PLCE1: variants seen among roughly 807,000 people sequenced by gnomAD.
PLCE1 encodes the protein 1-phosphatidylinositol 4,5-bisphosphate phosphodiesterase epsilon-1.
Under a neutral mutation model 242.8 loss-of-function variants are expected in PLCE1, and 119 were observed. That is an observed-to-expected ratio of 0.49 (90% CI 0.42 to 0.57). PLCE1 has a LOEUF of 0.57. PLCE1 is among the 20% of genes least tolerant of loss of function. The pLI, the probability that PLCE1 is intolerant of heterozygous loss-of-function variation, is 0.00. For synonymous variants in PLCE1, 945 were observed against 1,017.4 expected, an observed-to-expected ratio of 0.93 and a Z score of 1.35; for missense variants, 2,441 against 2,788.8, an observed-to-expected ratio of 0.88 and a Z score of 2.81.
At chr10:94,180,888 A>C (rs1206435116) in intron 4 of PLCE1, among the ~76,000 whole-genome samples, 1 of 152,216 alleles carries the variant, frequency 6.6e-6, no homozygotes, top group Non-Finnish European at 1.5e-5. Context: ...AATTGTTAGC[A>C]CCTTGTGGAG....
chr10:94,010,624 C>T (rs1180773709), intron 1 of PLCE1, among the ~76,000 whole-genome samples: 1 of 152,188 alleles, frequency 6.6e-6, no homozygotes, highest in African/African-American at 2.4e-5. Context: ...TGATTGTAGG[C>T]TGTTAGAAGC....
chr10:94,322,366 A>C (rs532364126), intron 30 of PLCE1, among the ~76,000 whole-genome samples: 1 of 152,004 alleles, frequency 6.6e-6, no homozygotes, highest in Non-Finnish European at 1.5e-5. Context: ...TTGAAAAAAA[A>C]AACAACCAAC....
intron 4 of PLCE1, among the ~76,000 whole-genome samples, chr10:94,193,740 A>T (rs2048737165): frequency 6.6e-6 from 1 of 152,200 alleles, no homozygotes; most frequent in African/African-American, 2.4e-5. Flanking sequence ...CTCTGTAACC[A>T]TCCCAGCTTT....
intron 4 of PLCE1, among the ~76,000 whole-genome samples, chr10:94,185,748 T>C (rs2048458201): frequency 6.6e-6 from 1 of 152,218 alleles, no homozygotes; most frequent in South Asian, 2.1e-4. Context: ...AGACTGTGCA[T>C]GCCATGAGAT....
At chr10:94,059,618 C>T (rs1261645136) in intron 2 of PLCE1, among the ~76,000 whole-genome samples, 2 of 152,114 alleles carry the variant, frequency 1.3e-5, no homozygotes, top group Non-Finnish European at 2.9e-5. Context: ...CAGGCAAGCA[C>T]ATGGGAAGTG....
At chr10:94,308,946 A>G (rs2053294001) in intron 27 of PLCE1, among the ~76,000 whole-genome samples, 1 of 152,236 alleles carries the variant, frequency 6.6e-6, no homozygotes, top group Non-Finnish European at 1.5e-5. Context: ...AGGTAGAGCT[A>G]AGTACATCTG....
At chr10:94,321,774 G>C in intron 29 of PLCE1, 127 bp from the exon 30 acceptor site, 1 of 689,452 alleles carries the variant, frequency 1.5e-6, no homozygotes, top group Admixed American at 2.3e-5. Context: ...TAATAACATA[G>C]TATATGAGAT....
intron 2 of PLCE1, among the ~76,000 whole-genome samples, chr10:94,067,210 C>T (rs575042497): frequency 2.6e-5 from 4 of 152,104 alleles, no homozygotes; most frequent in Non-Finnish European, 5.9e-5. Context: ...GTTAGTGACC[C>T]GGACAACCAT....
chr10:94,267,736 C>T (rs1423847917), intron 16 of PLCE1, among the ~76,000 whole-genome samples: 2 of 152,182 alleles, frequency 1.3e-5, no homozygotes, highest in African/African-American at 4.8e-5. Context: ...GGTGTTCCAG[C>T]CACCATTTTA....
intron 27 of PLCE1, among the ~76,000 whole-genome samples, chr10:94,310,809 C>T (rs1032584176): frequency 3.3e-5 from 5 of 152,132 alleles, no homozygotes; most frequent in Non-Finnish European, 7.4e-5. Context: ...CATTTCAGTT[C>T]AATTCTAACA....
intron 2 of PLCE1, among the ~76,000 whole-genome samples, chr10:94,103,911 A>G (rs1208395519): frequency 6.6e-6 from 1 of 152,192 alleles, no homozygotes; most frequent in Non-Finnish European, 1.5e-5. Flanking sequence ...CCAACAAACT[A>G]TCTCCTTTTT....
At chr10:94,202,121 G>A (rs778777553) in intron 4 of PLCE1, among the ~76,000 whole-genome samples, 126 of 152,060 alleles carry the variant, frequency 8.3e-4, no homozygotes, top group Non-Finnish European at 9.9e-4. Context: ...GGTACAAATA[G>A]CATCAATTTA....
intron 1 of PLCE1, among the ~76,000 whole-genome samples, chr10:93,999,557 G>GT (rs2060892723): frequency 6.6e-6 from 1 of 152,292 alleles, no homozygotes; most frequent in African/African-American, 2.4e-5. Context: ...AGTGTAGTTG[G>GT]TTTTTTTCTT....
intron 1 of PLCE1, among the ~76,000 whole-genome samples, chr10:94,013,249 C>A (rs1483041879): frequency 6.6e-6 from 1 of 152,164 alleles, no homozygotes; most frequent in African/African-American, 2.4e-5. Context: ...GGATGATCTG[C>A]AGAGTGGAGC....
rs2051200428 is a variant in PLCE1 at position 94,259,029 on chromosome 10, G to C, written c.3693G>C (p.Lys1231Asn). The change falls in exon 13 of 33, where the codon AAG becomes AAC. Residue 1231 changes from lysine to asparagine, a missense_variant. Transcript: ENST00000371380. Reference sequence around the variant, plus strand: ...CCTCATTCAGTGTCAGGAGCCGCAAGGACCTGAAGGATCTGTTTGATGTCT... The same window carrying C: ...CCTCATTCAGTGTCAGGAGCCGCAACGACCTGAAGGATCTGTTTGATGTCT... ...LFKSFSVRSR[K>N]DLKDLFDVYA... 2 of 1,614,002 alleles carry C rather than the reference G, an allele frequency of 1.2e-6. No homozygotes were observed. The highest frequency in any genetic ancestry group is 1.7e-6 in the Non-Finnish European group (2 of 1,180,012).
chr10:94,264,031 G>T (rs1038862217), intron 14 of PLCE1, among the ~76,000 whole-genome samples: 4 of 152,148 alleles, frequency 2.6e-5, no homozygotes, highest in Non-Finnish European at 4.4e-5. Flanking sequence ...GAATATAGCA[G>T]AGAATAAGAT....
intron 3 of PLCE1, among the ~76,000 whole-genome samples, chr10:94,170,766 C>T (rs1261314511): frequency 2.0e-5 from 3 of 152,156 alleles, no homozygotes; most frequent in Admixed American, 2.0e-4. Flanking sequence ...ATATTCTTCA[C>T]CACACAGCCT....
chr10:94,305,706 C>G (rs1180311265), intron 25 of PLCE1, among the ~76,000 whole-genome samples: 5 of 152,196 alleles, frequency 3.3e-5, no homozygotes, highest in Non-Finnish European at 5.9e-5. Flanking sequence ...TAGTTCCTAA[C>G]ACGTCTGTGA....
At chr10:93,998,623 CAT>C (rs1302553718) in intron 1 of PLCE1, among the ~76,000 whole-genome samples, 1 of 152,156 alleles carries the variant, frequency 6.6e-6, no homozygotes, top group Admixed American at 6.5e-5. Flanking sequence ...AAGCACTTTG[CAT>C]AGAGACAGAC....
Sources: allele counts gnomAD v4.1 joint callset (sites outside exome capture counted in the v4.1 genomes callset), GRCh38; gene constraint gnomAD v4.1.1; transcripts MANE v1.5; gene names NCBI Gene and HGNC (gene_info 2026-07-23, HGNC 2026-07-21).